CCDC146: variants seen among roughly 807,000 people sequenced by gnomAD.
CCDC146 encodes the protein coiled-coil domain-containing protein 146.
Under a neutral mutation model 119.3 loss-of-function variants are expected in CCDC146, and 92 were observed. That is an observed-to-expected ratio of 0.77 (90% CI 0.65 to 0.92). CCDC146 has a LOEUF of 0.92. Ranked by LOEUF, CCDC146 falls within the 40% of genes least tolerant of loss-of-function variation. CCDC146 has a pLI of 0.00. For missense variants in CCDC146, 1,000 were observed against 1,103.0 expected, an observed-to-expected ratio of 0.91 and a Z score of 1.32; for synonymous variants, 372 against 371.8, an observed-to-expected ratio of 1.00 and a Z score of -0.01.
intron 2 of CCDC146, among the ~76,000 whole-genome samples, chr7:77,235,528 G>A (rs1172593763): frequency 6.6e-6 from 1 of 152,226 alleles, no homozygotes; most frequent in Non-Finnish European, 1.5e-5. Flanking sequence ...CTTAAAGAGT[G>A]TGTTGTGAAA....
intron 2 of CCDC146, among the ~76,000 whole-genome samples, chr7:77,231,267 G>A (rs1792621342): frequency 6.6e-6 from 1 of 152,190 alleles, no homozygotes; most frequent in African/African-American, 2.4e-5. Flanking sequence ...ATCAGTGATA[G>A]TGGCAATTTG....
intron 2 of CCDC146, among the ~76,000 whole-genome samples, chr7:77,203,371 A>C (rs1301987371): frequency 6.8e-6 from 1 of 146,828 alleles, no homozygotes; most frequent in Admixed American, 6.8e-5. Flanking sequence ...TTAAGCATTG[A>C]CAAGCCACCA....
At chr7:77,225,706 G>C (rs1428379180) in intron 2 of CCDC146, among the ~76,000 whole-genome samples, 1 of 152,156 alleles carries the variant, frequency 6.6e-6, no homozygotes, top group African/African-American at 2.4e-5. Flanking sequence ...ACTTTGGGAG[G>C]CCGAGGTGGG....
At chr7:77,157,106 T>C (rs1296499764) in intron 1 of CCDC146, among the ~76,000 whole-genome samples, 1 of 105,690 alleles carries the variant, frequency 9.5e-6, no homozygotes, top group Non-Finnish European at 1.8e-5. Flanking sequence ...TAGAAACATG[T>C]TGTAATTAAC....
At chr7:77,270,267 A>G (rs1027497031) in intron 9 of CCDC146, among the ~76,000 whole-genome samples, 2 of 152,098 alleles carry the variant, frequency 1.3e-5, no homozygotes, top group Non-Finnish European at 2.9e-5. Context: ...CACCAAAACT[A>G]TTAATAGTGA....
rs544864645 is a variant in CCDC146 at position 77,188,263 on chromosome 7, A to T, written c.156+20439A>T. Among the ~76,000 whole-genome samples, 19 of 152,218 alleles carry T rather than the reference A, an allele frequency of 1.2e-4. No individual in the cohort carries two copies. In the South Asian group the frequency reaches 3.5e-3, roughly 28 times the overall value. ...CCCCAGTTATCCTGGTGTGATTATT[A>T]TGCATTGTATCCTCTATCAAAATAT... On this transcript the variant is annotated intron_variant, in intron 2 of 18. Coordinates refer to ENST00000285871, the MANE Select transcript of CCDC146 (RefSeq NM_020879.3).
chr7:77,278,684 A>G, intron 11 of CCDC146, 68 bp from the exon 12 acceptor site: 1 of 1,055,782 alleles, frequency 9.5e-7, no homozygotes, highest in Middle Eastern at 3.0e-4. Flanking sequence ...ATGGAAGGGA[A>G]TGATGTGGGA....
chr7:77,256,675 G>C (rs1165491331), intron 6 of CCDC146, among the ~76,000 whole-genome samples, 166 bp downstream of exon 6: 1 of 152,190 alleles, frequency 6.6e-6, no homozygotes. Flanking sequence ...CTCTGGGAAT[G>C]CACAAAAGAC....
In CCDC146 at chr7:77,260,050, A is replaced by G; in HGVS notation, c.800A>G (p.Lys267Arg). ...KKKIVLEQEV[K>R]TLNDSLKKVE... Reference sequence around the variant, plus strand: ...AAAATTGTCTTGGAACAAGAAGTCAAAACGCTAAATGACTCCCTAAAGAAA... The same window carrying G: ...AAAATTGTCTTGGAACAAGAAGTCAGAACGCTAAATGACTCCCTAAAGAAA... Residue 267 changes from lysine (K) to arginine (R), a missense_variant, in exon 8 of 19, where the codon AAA (lysine) becomes AGA (arginine). This residue lies in a region of CCDC146 where 985 missense variants were observed against 1,045.3 expected (regional missense o/e 0.94). Transcript: ENST00000285871. 6.2e-7 allele frequency: 1 copy of G among 1,613,184 alleles called. No individual in the cohort carries two copies. The highest frequency in any genetic ancestry group is 1.1e-5 in the South Asian group (1 of 91,032).
chr7:77,282,471 G>T (rs1793781680), intron 14 of CCDC146, 86 bp from the exon 15 acceptor site: 1 of 805,912 alleles, frequency 1.2e-6, no homozygotes. Flanking sequence ...TGTATATCTT[G>T]CATCCAAAGC....
intron 1 of CCDC146, among the ~76,000 whole-genome samples, chr7:77,141,262 T>C (rs1790929095): frequency 6.6e-6 from 1 of 152,232 alleles, no homozygotes. Flanking sequence ...TCCTTTTTTA[T>C]GGCTGCATAG....
At chr7:77,173,718 C>A (rs1427717905) in intron 2 of CCDC146, among the ~76,000 whole-genome samples, 1 of 152,164 alleles carries the variant, frequency 6.6e-6, no homozygotes, top group Non-Finnish European at 1.5e-5. Context: ...ACCTGCTCCC[C>A]AAATTGGCCA....
At chr7:77,284,752 G>A (rs904813487) in intron 15 of CCDC146, among the ~76,000 whole-genome samples, 2 of 151,806 alleles carry the variant, frequency 1.3e-5, no homozygotes, top group Admixed American at 1.3e-4. Context: ...CTGCCTGATG[G>A]TGAATTTTGA....
At chr7:77,200,882 G>A (rs1791974526) in intron 2 of CCDC146, among the ~76,000 whole-genome samples, 1 of 152,078 alleles carries the variant, frequency 6.6e-6, no homozygotes, top group Admixed American at 6.6e-5. Context: ...GTTTAAAAAG[G>A]GTTTTTTTGC....
chr7:77,253,174 TC>T (rs771675248), intron 4 of CCDC146, among the ~76,000 whole-genome samples: 1 of 152,230 alleles, frequency 6.6e-6, no homozygotes, highest in African/African-American at 2.4e-5. Context: ...ATAATTGTCC[TC>T]AAATACCCAT....
intron 4 of CCDC146, among the ~76,000 whole-genome samples, chr7:77,252,793 CAT>C (rs1311659085): frequency 6.6e-6 from 1 of 152,256 alleles, no homozygotes; most frequent in African/African-American, 2.4e-5. Context: ...GTTTCTCACT[CAT>C]AGCACAGTCC....
At chr7:77,279,562 T>TGTATCC (rs1290670196) in intron 13 of CCDC146, among the ~76,000 whole-genome samples, 1 of 152,188 alleles carries the variant, frequency 6.6e-6, no homozygotes, top group Non-Finnish European at 1.5e-5. Context: ...ATGTAAAGCA[T>TGTATCC]CTCATGTGTT....
chr7:77,141,551 C>T (rs1052104367), intron 1 of CCDC146, among the ~76,000 whole-genome samples: 3 of 152,162 alleles, frequency 2.0e-5, no homozygotes, highest in African/African-American at 4.8e-5. Flanking sequence ...TAAAAGCGTT[C>T]CTATTTCTCC....
intron 1 of CCDC146, among the ~76,000 whole-genome samples, chr7:77,130,798 C>A (rs557054008): frequency 1.3e-5 from 2 of 150,600 alleles, no homozygotes; most frequent in African/African-American, 4.9e-5. Context: ...GGGGTTTCAC[C>A]GTGTTAGCCA....
Sources: gnomAD v4.1 joint callset for allele counts (sites outside exome capture counted in the v4.1 genomes callset) on GRCh38, gnomAD v4.1.1 for gene constraint, gnomAD v4.1.1 regional missense constraint, MANE v1.5 for transcripts, NCBI Gene and HGNC (gene_info 2026-07-23, HGNC 2026-07-21) for gene names.